Variants in PDGFD observed in about 807,000 individuals in gnomAD.
The protein encoded by PDGFD is platelet-derived growth factor D.
In PDGFD, 30 loss-of-function variants were observed where a neutral mutation model predicts 44.7. That is an observed-to-expected ratio of 0.67 (90% CI 0.50 to 0.91). The LOEUF is 0.91. PDGFD is among the 40% of genes least tolerant of loss of function. The pLI is 0.00. For synonymous variants in PDGFD, 173 were observed against 168.4 expected (o/e 1.03, Z -0.21); for missense variants, 445 against 457.8 (o/e 0.97, Z 0.25).
chr11:104,037,034 T>G (rs1860252419), intron 1 of PDGFD: 2 of 1,614,062 alleles, frequency 1.2e-6, no homozygotes, highest in African/African-American at 1.3e-5. Context: ...GATGGCGATA[T>G]CGTGGTTTTA....
intron 6 of PDGFD, among the ~76,000 whole-genome samples, chr11:103,912,545 T>C (rs987692137): frequency 2.6e-5 from 4 of 152,152 alleles, no homozygotes; most frequent in Non-Finnish European, 5.9e-5. Flanking sequence ...GTAAAGACCA[T>C]TGATGCTATG....
intron 1 of PDGFD, among the ~76,000 whole-genome samples, chr11:104,022,806 T>C (rs889587915): frequency 6.6e-6 from 1 of 152,044 alleles, no homozygotes; most frequent in Non-Finnish European, 1.5e-5. Flanking sequence ...TACATAGATA[T>C]ATATGTATAT....
intron 1 of PDGFD, among the ~76,000 whole-genome samples, chr11:104,025,876 G>T (rs1860035800): frequency 6.6e-6 from 1 of 152,198 alleles, no homozygotes; most frequent in South Asian, 2.1e-4. Context: ...AGCAAAGGTA[G>T]CATCTTTCTA....
At chr11:103,970,964 TATACCTCTGG>T (rs1258480725) in intron 3 of PDGFD, among the ~76,000 whole-genome samples, 1 of 152,156 alleles carries the variant, frequency 6.6e-6, no homozygotes, top group African/African-American at 2.4e-5. Context: ...TATTCAAAGA[TATACCTCTGG>T]AAAGAAATCT....
chr11:104,017,682 G>A (rs1052329547), intron 1 of PDGFD, among the ~76,000 whole-genome samples: 2 of 152,200 alleles, frequency 1.3e-5, no homozygotes, highest in Admixed American at 6.5e-5. Flanking sequence ...ATTTGTGGGT[G>A]TGTGACATAT....
chr11:104,061,907 C>T (rs917077812), intron 1 of PDGFD, among the ~76,000 whole-genome samples: 3 of 152,112 alleles, frequency 2.0e-5, no homozygotes, highest in African/African-American at 4.8e-5. Context: ...CATGCCTGGC[C>T]GTTTCTGGTG....
intron 6 of PDGFD, among the ~76,000 whole-genome samples, chr11:103,923,353 T>C (rs1168044286): frequency 1.3e-5 from 2 of 152,210 alleles, no homozygotes; most frequent in Non-Finnish European, 2.9e-5. Context: ...ACAGGACAAC[T>C]AATATGACCT....
intron 1 of PDGFD, among the ~76,000 whole-genome samples, chr11:104,145,278 T>G (rs1862146545): frequency 6.6e-6 from 1 of 152,194 alleles, no homozygotes; most frequent in African/African-American, 2.4e-5. Context: ...CCAGTGTTGG[T>G]ATAAACCGAA....
intron 1 of PDGFD, among the ~76,000 whole-genome samples, chr11:104,152,324 CTTTG>C (rs1214003890): frequency 3.9e-5 from 6 of 152,086 alleles, no homozygotes; most frequent in Non-Finnish European, 5.9e-5. Context: ...TATTTAGAAA[CTTTG>C]TTGATGAAAT....
At chr11:104,118,091 C>T (rs1861667505) in intron 1 of PDGFD, among the ~76,000 whole-genome samples, 1 of 151,910 alleles carries the variant, frequency 6.6e-6, no homozygotes, top group African/African-American at 2.4e-5. Flanking sequence ...AGATTTTCTA[C>T]ATAGATAATC....
intron 1 of PDGFD, among the ~76,000 whole-genome samples, chr11:104,070,187 TG>T (rs1426063349): frequency 6.6e-6 from 1 of 152,200 alleles, no homozygotes; most frequent in Non-Finnish European, 1.5e-5. Context: ...AGAAGCTTTT[TG>T]GTCATTTTAT....
chr11:103,946,410 T>C (rs1466076183), intron 4 of PDGFD: 1 of 152,160 alleles, frequency 6.6e-6, no homozygotes, highest in Non-Finnish European at 1.5e-5. Context: ...AGACAATGCC[T>C]CTCTTTTAAA....
intron 1 of PDGFD, among the ~76,000 whole-genome samples, chr11:104,008,693 A>C (rs1443918404): frequency 1.3e-5 from 2 of 152,124 alleles, no homozygotes; most frequent in Admixed American, 6.6e-5. Flanking sequence ...AGTGCTGTAT[A>C]ATTTCTTTAA....
intron 6 of PDGFD, among the ~76,000 whole-genome samples, chr11:103,918,944 T>C (rs927689487): frequency 6.6e-6 from 1 of 152,188 alleles, no homozygotes; most frequent in Non-Finnish European, 1.5e-5. Context: ...GAATTAATTA[T>C]AGGAGCTGAA....
chr11:103,951,910 G>GA (rs1783039998), intron 3 of PDGFD, among the ~76,000 whole-genome samples: 1 of 152,126 alleles, frequency 6.6e-6, no homozygotes, highest in South Asian at 2.1e-4. Context: ...TCACACTCCG[G>GA]AATGGCAAAG....
At position 103,936,559 on chromosome 11, in the gene PDGFD, T is replaced by C. The variant is rs1298609644; in HGVS notation, c.772+6893A>G. Among the ~76,000 whole-genome samples the C allele has an allele frequency of 2.6e-5, 4 of 152,332 alleles. No homozygotes were observed. In the South Asian group the frequency reaches 6.2e-4, roughly 24 times the overall value. The stretch of plus-strand genomic sequence containing the variant: ...ATAAAACATTTATTTCATTTATTTC[T>C]CAGTTTCTTATGCTAGTTATTTACC... On this transcript the variant is annotated intron_variant, in intron 5 of 6. Coordinates refer to ENST00000393158, the MANE Select transcript of PDGFD (RefSeq NM_025208.5).
chr11:104,136,788 A>C (rs996502743), intron 1 of PDGFD, among the ~76,000 whole-genome samples: 1 of 152,192 alleles, frequency 6.6e-6, no homozygotes, highest in Non-Finnish European at 1.5e-5. Context: ...GCACCATACC[A>C]ATCTGTCATC....
chr11:103,988,734 C>T (rs1859407569), intron 3 of PDGFD, among the ~76,000 whole-genome samples: 2 of 152,148 alleles, frequency 1.3e-5, no homozygotes, highest in Non-Finnish European at 2.9e-5. Flanking sequence ...CACAGGCATG[C>T]TCCTAACCTC....
intron 1 of PDGFD, among the ~76,000 whole-genome samples, chr11:104,106,201 T>C (rs79530699): frequency 0.055 from 8,429 of 152,262 alleles, 364 homozygotes; most frequent in African/African-American, 0.12. Flanking sequence ...CCACGCACGA[T>C]AGTTGTAAAC....
Sources: gnomAD v4.1 joint callset for allele counts (sites outside exome capture counted in the v4.1 genomes callset) on GRCh38, gnomAD v4.1.1 for gene constraint, MANE v1.5 for transcripts, NCBI Gene and HGNC (gene_info 2026-07-23, HGNC 2026-07-21) for gene names.